ROBO2: variants seen among roughly 807,000 people sequenced by gnomAD.
ROBO2 encodes the protein roundabout homolog 2.
A neutral mutation model predicts 160.8 loss-of-function variants in ROBO2; 53 were observed. The ratio of observed to expected loss-of-function variants is 0.33; its 90% CI spans 0.26 to 0.41. The LOEUF is 0.41. ROBO2 is among the 10% of genes least tolerant of loss of function. The pLI, the probability that ROBO2 is intolerant of heterozygous loss-of-function variation, is 1.00. For missense variants in ROBO2, 1,577 were observed against 1,722.4 expected, an observed-to-expected ratio of 0.92 and a Z score of 1.49; for synonymous variants, 664 against 611.7, an observed-to-expected ratio of 1.09 and a Z score of -1.26.
chr3:76,390,379 A>G (rs2077091485), intron 2 of ROBO2, among the ~76,000 whole-genome samples: 1 of 152,098 alleles, frequency 6.6e-6, no homozygotes, highest in African/African-American at 2.4e-5. Flanking sequence ...ATGTATTTGC[A>G]TTTATATTTT....
At chr3:76,167,250 A>G (rs1035757149) in intron 2 of ROBO2, among the ~76,000 whole-genome samples, 1 of 151,994 alleles carries the variant, frequency 6.6e-6, no homozygotes, top group African/African-American at 2.4e-5. Flanking sequence ...GTTACACTTG[A>G]ATTTTATTGA....
chr3:76,734,509 T>C (rs2093680453), intron 2 of ROBO2, among the ~76,000 whole-genome samples: 1 of 152,196 alleles, frequency 6.6e-6, no homozygotes, highest in African/African-American at 2.4e-5. Flanking sequence ...TAATTATCTT[T>C]TTGGAAAGCT....
chr3:77,402,371 C>T (rs139785042), intron 2 of ROBO2, among the ~76,000 whole-genome samples: 1,578 of 152,006 alleles, frequency 0.01, 21 homozygotes, highest in Non-Finnish European at 0.013. Context: ...CACAATGGCA[C>T]GTGTATACCT....
In ROBO2 at chr3:76,551,459, T is replaced by C. The variant is rs149385505; in HGVS notation, c.110-546555T>C. ...CCACGTACCTCATTCATCCTGGACG[T>C]GGGACAAGAACTCAGGACCCACCTA... On this transcript the variant is annotated intron_variant, in intron 2 of 26. Coordinates refer to the ROBO2 transcript ENST00000487694. 3.9e-4 allele frequency among the ~76,000 whole-genome samples: 59 copies of C among 152,120 alleles called. No individual in the cohort carries two copies. In the East Asian group the frequency reaches 0.011, roughly 29 times the overall value.
At chr3:76,298,516 T>G (rs996445119) in intron 2 of ROBO2, among the ~76,000 whole-genome samples, 2 of 152,176 alleles carry the variant, frequency 1.3e-5, no homozygotes, top group African/African-American at 4.8e-5. Context: ...TCAAGGGGTA[T>G]CACTGTGATA....
At chr3:75,948,205 A>G (rs1948392360) in intron 2 of ROBO2, among the ~76,000 whole-genome samples, 1 of 152,040 alleles carries the variant, frequency 6.6e-6, no homozygotes. Context: ...TTTGTTGTGT[A>G]TGATATAGAT....
chr3:76,757,246 G>C (rs1189244119), intron 2 of ROBO2, among the ~76,000 whole-genome samples: 5 of 151,754 alleles, frequency 3.3e-5, no homozygotes, highest in African/African-American at 1.2e-4. Context: ...TACATCTTAG[G>C]TCTTACAGTT....
At chr3:76,677,809 C>T (rs1330658243) in intron 2 of ROBO2, among the ~76,000 whole-genome samples, 1 of 151,472 alleles carries the variant, frequency 6.6e-6, no homozygotes, top group Non-Finnish European at 1.5e-5. Flanking sequence ...GAAACATATC[C>T]CAGACAATAA....
chr3:77,034,717 C>G (rs2063525921), intron 2 of ROBO2, among the ~76,000 whole-genome samples: 1 of 151,898 alleles, frequency 6.6e-6, no homozygotes, highest in Admixed American at 6.6e-5. Flanking sequence ...TTTCCTAAAT[C>G]CTTGACAATC....
intron 2 of ROBO2, among the ~76,000 whole-genome samples, chr3:77,301,128 C>T (rs905545573): frequency 6.6e-6 from 1 of 151,896 alleles, no homozygotes; most frequent in African/African-American, 2.4e-5. Flanking sequence ...CTTGGTCTCT[C>T]GAAGTGCTGG....
intron 2 of ROBO2, among the ~76,000 whole-genome samples, chr3:76,939,346 G>C (rs2077994691): frequency 6.6e-6 from 1 of 152,134 alleles, no homozygotes; most frequent in Non-Finnish European, 1.5e-5. Context: ...TCAAAATTCT[G>C]ATTTTTAACA....
chr3:76,386,007 A>C (rs937601546), intron 2 of ROBO2, among the ~76,000 whole-genome samples: 1 of 152,184 alleles, frequency 6.6e-6, no homozygotes, highest in Non-Finnish European at 1.5e-5. Flanking sequence ...TGATTTAATG[A>C]AACAAATTTT....
At chr3:75,909,713 T>C (rs546506824) in intron 1 of ROBO2, among the ~76,000 whole-genome samples, 1 of 152,290 alleles carries the variant, frequency 6.6e-6, no homozygotes. Flanking sequence ...TTTCAACATT[T>C]TCAAGGAAAA....
chr3:76,796,031 A>G (rs2063669758), intron 2 of ROBO2, among the ~76,000 whole-genome samples: 1 of 152,126 alleles, frequency 6.6e-6, no homozygotes, highest in Non-Finnish European at 1.5e-5. Flanking sequence ...TTTTGAAAGG[A>G]ATCTTCTTTC....
chr3:77,316,562 C>CT (rs1402834581), intron 2 of ROBO2, among the ~76,000 whole-genome samples: 1 of 152,056 alleles, frequency 6.6e-6, no homozygotes, highest in Non-Finnish European at 1.5e-5. Flanking sequence ...CTGAAAGGAT[C>CT]TTTTTTGGAA....
intron 2 of ROBO2, among the ~76,000 whole-genome samples, chr3:76,298,112 G>A (rs886380852): frequency 6.6e-6 from 1 of 152,046 alleles, no homozygotes; most frequent in South Asian, 2.1e-4. Flanking sequence ...AGCCTTTTTC[G>A]AAACATGCCA....
At chr3:76,797,483 G>A (rs1301255044) in intron 2 of ROBO2, among the ~76,000 whole-genome samples, 3 of 151,422 alleles carry the variant, frequency 2.0e-5, no homozygotes, top group Admixed American at 2.0e-4. Context: ...ATATAAAAAA[G>A]TACAAAACCT....
rs534556469 is a variant in ROBO2 at position 76,636,193 on chromosome 3, A to C, written c.110-461821A>C. On this transcript the variant is annotated intron_variant, in intron 2 of 26. Transcript: ENST00000487694. The stretch of plus-strand genomic sequence containing the variant: ...CGTTAGAAATATTGCATAAATTCCA[A>C]AGGAGTAATGACATTGAGACAAGAA... 9.8e-4 allele frequency among the ~76,000 whole-genome samples: 149 copies of C among 152,288 alleles called. 1 individual carries two copies. The highest frequency in any genetic ancestry group is 3.4e-3 in the Middle Eastern group (1 of 294).
intron 2 of ROBO2, among the ~76,000 whole-genome samples, chr3:76,017,321 A>G (rs1301479971): frequency 6.6e-6 from 1 of 152,088 alleles, no homozygotes; most frequent in Admixed American, 6.6e-5. Flanking sequence ...CTCACAGTAT[A>G]TTTTCAGTAT....
Sources: allele counts gnomAD v4.1 joint callset (sites outside exome capture counted in the v4.1 genomes callset), GRCh38; gene constraint gnomAD v4.1.1; transcripts MANE v1.5; gene names NCBI Gene and HGNC (gene_info 2026-07-23, HGNC 2026-07-21).